The following LRBA variants were observed in gnomAD, a reference collection of about 807,000 sequenced individuals.
LRBA encodes LPS responsive beige-like anchor protein.
LRBA carries 176 observed loss-of-function variants against 330.0 expected under a neutral mutation model. The observed-to-expected ratio is 0.53, with a 90% CI of 0.47 to 0.60. LRBA has a LOEUF of 0.60. LRBA is among the 20% of genes least tolerant of loss of function. The pLI is 0.00. For missense variants in LRBA, 3,259 were observed against 3,444.8 expected, an observed-to-expected ratio of 0.95 and a Z score of 1.35; for synonymous variants, 1,230 against 1,193.0, an observed-to-expected ratio of 1.03 and a Z score of -0.64.
At chr4:150,798,760 A>AAT (rs1244275746) in intron 33 of LRBA, among the ~76,000 whole-genome samples, 1 of 152,162 alleles carries the variant, frequency 6.6e-6, no homozygotes, top group African/African-American at 2.4e-5. Context: ...TTATATAATT[A>AAT]ATACCTATTT....
intron 14 of LRBA, among the ~76,000 whole-genome samples, chr4:150,898,033 T>A (rs1439583710): frequency 6.6e-6 from 1 of 152,040 alleles, no homozygotes; most frequent in Non-Finnish European, 1.5e-5. Flanking sequence ...CAGGTTATGT[T>A]GAAACTACTA....
intron 2 of LRBA, among the ~76,000 whole-genome samples, chr4:150,943,292 T>C (rs543955284): frequency 6.6e-6 from 1 of 152,348 alleles, no homozygotes; most frequent in South Asian, 2.1e-4. Context: ...TCTTTTCCTT[T>C]TTATTTGATT....
At chr4:150,921,795 G>A (rs990087946) in intron 4 of LRBA, among the ~76,000 whole-genome samples, 1 of 151,998 alleles carries the variant, frequency 6.6e-6, no homozygotes. Context: ...GCATGATCTC[G>A]GCTCACCGCA....
chr4:150,597,911 A>C (rs1456638996), intron 38 of LRBA, among the ~76,000 whole-genome samples: 1 of 152,012 alleles, frequency 6.6e-6, no homozygotes, highest in Non-Finnish European at 1.5e-5. Context: ...TCTCTGTATG[A>C]TCATTTATTT....
At chr4:150,428,868 T>C (rs920885674) in intron 46 of LRBA, among the ~76,000 whole-genome samples, 23 of 152,136 alleles carry the variant, frequency 1.5e-4, no homozygotes, top group African/African-American at 1.9e-4. Context: ...AACAGATCAA[T>C]AAGCAATGTG....
intron 41 of LRBA, among the ~76,000 whole-genome samples, chr4:150,489,168 T>A (rs375228848): frequency 0.18 from 5,628 of 30,938 alleles, 411 homozygotes; most frequent in East Asian, 0.38. Context: ...TATAATATAT[T>A]ATATATAAGT....
At chr4:150,468,229 A>G (rs1204333190) in intron 43 of LRBA, among the ~76,000 whole-genome samples, 2 of 152,086 alleles carry the variant, frequency 1.3e-5, no homozygotes, top group African/African-American at 2.4e-5. Flanking sequence ...CAACCAACTA[A>G]GCAATCAAGT....
At chr4:150,874,461 T>C (rs2127015995) in intron 17 of LRBA, among the ~76,000 whole-genome samples, 1 of 152,230 alleles carries the variant, frequency 6.6e-6, no homozygotes, top group South Asian at 2.1e-4. Flanking sequence ...GGAGCCAGAA[T>C]TGTGAAAACT....
chr4:150,787,219 C>CA (rs1303754787), intron 34 of LRBA, among the ~76,000 whole-genome samples: 2,549 of 115,084 alleles, frequency 0.022, 55 homozygotes, highest in African/African-American at 0.066. Context: ...GACTCCATCT[C>CA]AAAAAAAAAA....
chr4:150,958,035 C>G (rs1361716598), intron 2 of LRBA, among the ~76,000 whole-genome samples: 1 of 149,084 alleles, frequency 6.7e-6, no homozygotes. Context: ...AGTGGATCTA[C>G]CATTCTGGGG....
At chr4:150,870,009 C>T (rs1753236873) in intron 20 of LRBA, among the ~76,000 whole-genome samples, 1 of 152,100 alleles carries the variant, frequency 6.6e-6, no homozygotes, top group African/African-American at 2.4e-5. Flanking sequence ...AATTTTAAAA[C>T]TCTACAAACT....
intron 37 of LRBA, among the ~76,000 whole-genome samples, chr4:150,634,562 T>G (rs989918129): frequency 3.3e-5 from 5 of 152,232 alleles, no homozygotes; most frequent in Non-Finnish European, 7.3e-5. Context: ...ATTCAATTCA[T>G]GACGTCCATT....
At chr4:150,585,316 A>G (rs1198952030) in intron 40 of LRBA, among the ~76,000 whole-genome samples, 4 of 152,224 alleles carry the variant, frequency 2.6e-5, no homozygotes, top group East Asian at 1.9e-4. Context: ...TGTAAATTCC[A>G]TAAGTATGAT....
rs748897854 is a variant in LRBA at position 150,831,846 on chromosome 4, C to A, written c.4700G>T (p.Gly1567Val). The part of the protein sequence containing the change: ...ERHSQSCTET[G>V]SENENVSLSE... Reference sequence around the variant, plus strand: ...GAGTGATACATTCTCATTTTCACTGCCAGTTTCTGTACATGACTGGCTATG... The same window carrying A: ...GAGTGATACATTCTCATTTTCACTGACAGTTTCTGTACATGACTGGCTATG... The change falls in exon 29 of 57, where the codon GGC becomes GTC. Residue 1567 changes from glycine to valine, a missense_variant. Transcript: ENST00000651943. The A allele has an allele frequency of 6.3e-7, 1 of 1,597,588 alleles. No homozygotes were observed. Among genetic ancestry groups the A allele is most frequent in the Non-Finnish European group, 8.5e-7 (1 of 1,173,080 alleles).
chr4:150,933,585 T>C (rs1359138244), intron 2 of LRBA, among the ~76,000 whole-genome samples: 1 of 152,060 alleles, frequency 6.6e-6, no homozygotes, highest in African/African-American at 2.4e-5. Context: ...AAGAATGAAC[T>C]AAATATCGAT....
chr4:150,762,203 G>T (rs1258756242), intron 34 of LRBA, among the ~76,000 whole-genome samples: 1 of 151,844 alleles, frequency 6.6e-6, no homozygotes, highest in Admixed American at 6.6e-5. Context: ...ATTTTAAGAT[G>T]TATTACCCAA....
chr4:150,372,412 C>A (rs568946845), intron 47 of LRBA, among the ~76,000 whole-genome samples: 1 of 151,814 alleles, frequency 6.6e-6, no homozygotes, highest in South Asian at 2.1e-4. Context: ...GAGTTCAAGA[C>A]CAGCCTGAGC....
intron 54 of LRBA, among the ~76,000 whole-genome samples, chr4:150,284,291 T>C (rs1461594338): frequency 1.3e-5 from 2 of 152,152 alleles, no homozygotes; most frequent in Admixed American, 1.3e-4. Context: ...AGATAAAATG[T>C]TAGATGCTGG....
intron 2 of LRBA, among the ~76,000 whole-genome samples, chr4:150,981,379 C>T (rs6849172): frequency 0.065 from 9,481 of 146,588 alleles, 452 homozygotes; most frequent in East Asian, 0.19. Flanking sequence ...CACCATTGCA[C>T]TCCAGCCTCG....
Sources: gnomAD v4.1 joint callset for allele counts (sites outside exome capture counted in the v4.1 genomes callset) on GRCh38, gnomAD v4.1.1 for gene constraint, MANE v1.5 for transcripts, NCBI Gene and HGNC (gene_info 2026-07-23, HGNC 2026-07-21) for gene names.